Variants in PKHD1L1 observed in about 807,000 individuals in gnomAD.
PKHD1L1 encodes the protein fibrocystin-L.
In PKHD1L1, 434 loss-of-function variants were observed where a neutral mutation model predicts 462.9. That is an observed-to-expected ratio of 0.94 (90% confidence interval 0.87 to 1.02). PKHD1L1 has a LOEUF of 1.02. Ranked by LOEUF, PKHD1L1 falls within the 50% of genes least tolerant of loss-of-function variation. The pLI is 0.00. For synonymous variants in PKHD1L1, 1,781 were observed against 1,750.0 expected (o/e 1.02, Z -0.44); for missense variants, 5,202 against 5,096.1 (o/e 1.02, Z -0.63).
intron 2 of PKHD1L1, among the ~76,000 whole-genome samples, chr8:109,370,598 G>T (rs529628457): frequency 6.6e-6 from 1 of 151,890 alleles, no homozygotes; most frequent in Non-Finnish European, 1.5e-5. Flanking sequence ...ATGTTGGTGT[G>T]CTGCACCCAT....
chr8:109,460,777 A>G (rs1817078726), intron 47 of PKHD1L1, among the ~76,000 whole-genome samples: 1 of 152,180 alleles, frequency 6.6e-6, no homozygotes. Flanking sequence ...TTCATGCTAC[A>G]TGTGTCCCAT....
intron 73 of PKHD1L1, among the ~76,000 whole-genome samples, chr8:109,521,753 G>A (rs1673427): frequency 0.24 from 36,065 of 151,974 alleles, 4,967 homozygotes; most frequent in African/African-American, 0.34. Context: ...TTAGCAACTA[G>A]TATATTAATA....
intron 2 of PKHD1L1, among the ~76,000 whole-genome samples, chr8:109,369,783 C>A (rs527417532): frequency 2.0e-5 from 3 of 152,100 alleles, no homozygotes; most frequent in East Asian, 1.9e-4. Context: ...TGGGTTTACA[C>A]GTAACTTGCT....
At chr8:109,364,753 C>T (rs554313501) in intron 2 of PKHD1L1, 117 bp downstream of exon 2, 3 of 696,326 alleles carry the variant, frequency 4.3e-6, no homozygotes, top group Non-Finnish European at 7.0e-6. Context: ...TATTTCTTCA[C>T]TTGGCCAGAA....
chr8:109,465,980 CT>C (rs1817421269), intron 49 of PKHD1L1, among the ~76,000 whole-genome samples: 1 of 152,096 alleles, frequency 6.6e-6, no homozygotes. Context: ...GTGCCTCATA[CT>C]TTGTGAGTCA....
intron 17 of PKHD1L1, among the ~76,000 whole-genome samples, chr8:109,406,727 A>T (rs1290203175): frequency 6.6e-6 from 1 of 152,172 alleles, no homozygotes; most frequent in Non-Finnish European, 1.5e-5. Context: ...ATAAATTAGT[A>T]AAAACTAGTG....
Position 109,442,964 on chromosome 8 carries a change from T to G in PKHD1L1, c.4412T>G (p.Phe1471Cys), listed in dbSNP as rs940263749. 6.2e-7 allele frequency: 1 copy of G among 1,613,248 alleles called. No homozygotes were observed. The highest frequency in any genetic ancestry group is 8.5e-7 in the Non-Finnish European group (1 of 1,179,422). ...KSTSGSFSYQ[F>C]TSPGIHYYSS... The stretch of plus-strand genomic sequence containing the variant: ...ATGGCAGGTTCATTTTCTTACCAAT[T>G]TACTTCTCCTGGAATCCATTATTAT... The change falls in exon 36 of 78, where the codon TTT (phenylalanine) becomes TGT (cysteine). Residue 1471 changes from phenylalanine to cysteine, a missense_variant. This residue lies in a region of PKHD1L1 where 4,497 missense variants were observed against 4,336.8 expected (regional missense o/e 1.04). Coordinates refer to ENST00000378402, the MANE Select transcript of PKHD1L1 (RefSeq NM_177531.6).
chr8:109,398,419 A>G (rs1813084716), intron 11 of PKHD1L1, 40 bp from the exon 12 acceptor site: 1 of 1,226,076 alleles, frequency 8.2e-7, no homozygotes, highest in African/African-American at 1.5e-5. Flanking sequence ...TGCATTCTGA[A>G]GTTTCAGTAG....
At chr8:109,477,135 A>T in intron 52 of PKHD1L1, 90 bp from the exon 53 acceptor site, 2 of 1,284,278 alleles carry the variant, frequency 1.6e-6, no homozygotes, top group South Asian at 2.5e-5. Flanking sequence ...GTTACTACCT[A>T]AAGAACATTT....
At chr8:109,437,779 A>G (rs1483991580) in intron 30 of PKHD1L1, among the ~76,000 whole-genome samples, 1 of 152,060 alleles carries the variant, frequency 6.6e-6, no homozygotes, top group Non-Finnish European at 1.5e-5. Flanking sequence ...TTAAACACTG[A>G]GTGTGGATTA....
intron 67 of PKHD1L1, among the ~76,000 whole-genome samples, chr8:109,501,031 T>C (rs772800237): frequency 2.0e-5 from 3 of 152,206 alleles, no homozygotes; most frequent in African/African-American, 7.2e-5. Context: ...AGCACAAGTT[T>C]CCCAAGTGAA....
chr8:109,469,205 A>G (rs1672651439), intron 50 of PKHD1L1, among the ~76,000 whole-genome samples: 1 of 152,108 alleles, frequency 6.6e-6, no homozygotes, highest in Non-Finnish European at 1.5e-5. Flanking sequence ...ACCATCCCCT[A>G]CCAGCATTTC....
At chr8:109,425,620 T>G (rs1814705849) in intron 24 of PKHD1L1, among the ~76,000 whole-genome samples, 1 of 152,092 alleles carries the variant, frequency 6.6e-6, no homozygotes, top group South Asian at 2.1e-4. Flanking sequence ...ATTATGACTT[T>G]CATAAGTCAA....
At chr8:109,512,424 T>G (rs1173150354) in intron 71 of PKHD1L1, among the ~76,000 whole-genome samples, 1 of 152,042 alleles carries the variant, frequency 6.6e-6, no homozygotes, top group East Asian at 1.9e-4. Context: ...GGCTAGCCAG[T>G]TTTCCCAGCA....
chr8:109,470,551 G>A, intron 50 of PKHD1L1: 1 of 1,608,972 alleles, frequency 6.2e-7, no homozygotes, highest in Non-Finnish European at 8.5e-7. Context: ...TTCCTTTATT[G>A]CAGGAACTAT....
intron 30 of PKHD1L1, 75 bp downstream of exon 30, chr8:109,436,534 CG>C (rs1446700363): frequency 1.9e-6 from 3 of 1,565,062 alleles, no homozygotes; most frequent in Non-Finnish European, 8.6e-7. Context: ...CTCAGTGGGG[CG>C]GGGGGTGAAA....
intron 67 of PKHD1L1, among the ~76,000 whole-genome samples, chr8:109,503,325 A>C (rs79147402): frequency 9.4e-5 from 14 of 149,528 alleles, no homozygotes; most frequent in Middle Eastern, 3.4e-3. Context: ...CAAAAAAAAA[A>C]CAGAAGACCG....
Position 109,464,521 on chromosome 8 carries a change from G to T in PKHD1L1, c.7689G>T (p.Trp2563Cys). The T allele has an allele frequency of 6.2e-7, 1 of 1,613,642 alleles. No homozygotes were observed. Among genetic ancestry groups the T allele is most frequent in the East Asian group, 2.2e-5 (1 of 44,872 alleles). ...LNDDVTPAAF[W>C]VTNPNNTIRH... ...ATGATGTGACCCCGGCTGCATTTTG[G>T]GTCACCAACCCGAACAATACCATAC... Residue 2563 changes from tryptophan (W) to cysteine (C), a missense_variant, in exon 49 of 78, where the codon TGG (tryptophan) becomes TGT (cysteine). Physicochemically the swap from Trp to Cys is radical, Grantham distance 215. Coordinates refer to ENST00000378402, the MANE Select transcript of PKHD1L1 (RefSeq NM_177531.6).
chr8:109,520,338 C>G (rs1425702467), intron 73 of PKHD1L1, among the ~76,000 whole-genome samples: 1 of 152,116 alleles, frequency 6.6e-6, no homozygotes, highest in Admixed American at 6.6e-5. Context: ...TTAGAAATCC[C>G]TGGTGAGCCC....
Sources: gnomAD v4.1 joint callset for allele counts (sites outside exome capture counted in the v4.1 genomes callset) on GRCh38, gnomAD v4.1.1 for gene constraint, gnomAD v4.1.1 regional missense constraint, MANE v1.5 for transcripts, NCBI Gene and HGNC (gene_info 2026-07-23, HGNC 2026-07-21) for gene names.